Variants in ABCC10 observed in about 807,000 individuals in gnomAD.
ABCC10 encodes the protein ATP binding cassette subfamily C member 10.
In ABCC10, 110 loss-of-function variants were observed where a neutral mutation model predicts 143.2. The observed-to-expected ratio is 0.77, with a 90% CI of 0.66 to 0.90. The LOEUF (loss-of-function observed/expected upper bound fraction) is 0.90. ABCC10 is among the 40% of genes least tolerant of loss of function. The pLI, the probability that ABCC10 is intolerant of heterozygous loss-of-function variation, is 0.00. For missense variants in ABCC10, 1,700 were observed against 1,900.5 expected, an observed-to-expected ratio of 0.89 and a Z score of 1.96; for synonymous variants, 805 against 846.7, an observed-to-expected ratio of 0.95 and a Z score of 0.85.
intron 12 of ABCC10, 95 bp downstream of exon 12, chr6:43,444,448 C>G (rs1675680180): frequency 1.4e-6 from 2 of 1,388,830 alleles, no homozygotes; most frequent in Non-Finnish European, 1.9e-6. Context: ...CAGAGACTCA[C>G]CAAGCATGGG....
chr6:43,449,262 G>A (rs567247825), intron 20 of ABCC10, 58 bp downstream of exon 20: 1 of 1,587,242 alleles, frequency 6.3e-7, no homozygotes, highest in East Asian at 2.2e-5. Flanking sequence ...GGGCCGGGAG[G>A]TGGGGAGGTA....
At position 43,444,946 on chromosome 6, in the gene ABCC10, G is replaced by T; in HGVS notation, c.2840+8G>T. 1.2e-6 allele frequency: 2 copies of T among 1,606,446 alleles called. No individual in the cohort carries two copies. Among genetic ancestry groups the T allele is most frequent in the Non-Finnish European group, 1.7e-6 (2 of 1,176,212 alleles). The stretch of plus-strand genomic sequence containing the variant: ...TTCCCCTGGAAACCTCTAGTGAGTG[G>T]CTGGGGCTGGGGGTAGGCCTGGTGC... On this transcript the variant is annotated splice_region_variant and intron_variant, in intron 13 of 21. Coordinates refer to ENST00000372530, the MANE Select transcript of ABCC10 (RefSeq NM_001198934.2).
intron 2 of ABCC10, among the ~76,000 whole-genome samples, chr6:43,428,606 G>A (rs1479627596): frequency 6.6e-6 from 1 of 152,194 alleles, no homozygotes; most frequent in Non-Finnish European, 1.5e-5. Context: ...AGCTGAAGAG[G>A]AAGCAGTAGA....
intron 8 of ABCC10, among the ~76,000 whole-genome samples, chr6:43,440,440 G>GT (rs983035880): frequency 2.0e-5 from 3 of 152,180 alleles, no homozygotes; most frequent in African/African-American, 7.2e-5. Flanking sequence ...GCCTACAACA[G>GT]TACCTAGGAC....
rs770933392 is a variant in ABCC10, at chr6:43,447,275, C to T, written c.3572C>T (p.Ala1191Val). The change falls in exon 17 of 22, where the codon GCC becomes GTC. Residue 1191 changes from alanine (A) to valine (V), a missense_variant. Physicochemically the swap from Ala to Val is moderately conservative, Grantham distance 64. Transcript: ENST00000372530. The stretch of plus-strand genomic sequence containing the variant: ...CTGGTGGGCTTGTCGCTGTCTTATG[C>T]CCTGTCCCTGACGGGCCTGCTCTCG... Reference protein sequence around the residue: ...PGLVGLSLSYALSLTGLLSGL... With the variant: ...PGLVGLSLSYVLSLTGLLSGL... 6.2e-7 allele frequency: 1 copy of T among 1,613,694 alleles called. No individual in the cohort carries two copies.
chr6:43,447,365 A>G lies in ABCC10; in HGVS notation c.3662A>G (p.Tyr1221Cys). 6.2e-7 allele frequency: 1 copy of G among 1,613,188 alleles called. No individual in the cohort carries two copies. Among genetic ancestry groups the G allele is most frequent in the South Asian group, 1.1e-5 (1 of 91,082 alleles). ...MLVSVERLEEYTCDLPQEPQG... is the reference protein window; with the variant it reads ...MLVSVERLEECTCDLPQEPQG... ...GTGAGCGTCGAGCGGCTGGAAGAGT[A>G]CACCTGTGACCTGCCCCAGGAACCC... Residue 1221 changes from tyrosine to cysteine, a missense_variant, in exon 17 of 22, where the codon TAC (tyrosine) becomes TGC (cysteine). By Grantham distance (194) the Tyr-to-Cys change is radical (BLOSUM62 -2). Transcript: ENST00000372530.
chr6:43,442,077 T>A (rs954790763), intron 9 of ABCC10, 117 bp downstream of exon 9: 1 of 821,988 alleles, frequency 1.2e-6, no homozygotes, highest in Non-Finnish European at 1.9e-6. Context: ...CCTTCCCTCC[T>A]CCCTTGCATG....
In ABCC10 at chr6:43,444,231, G is replaced by A. The variant is rs150366223; in HGVS notation, c.2567G>A (p.Arg856His). Residue 856 changes from arginine (R) to histidine (H), a missense_variant, in exon 12 of 22, where the codon CGC (arginine) becomes CAC (histidine). By Grantham distance (29) the Arg-to-His change is conservative (BLOSUM62 0). Coordinates refer to ENST00000372530, the MANE Select transcript of ABCC10 (RefSeq NM_001198934.2). Reference sequence around the variant, plus strand: ...GAGGAGGAGCAGAGCACATCTGGTCGCCTGCTGCAGGAAGAAAGCAAGAAG... The same window carrying A: ...GAGGAGGAGCAGAGCACATCTGGTCACCTGCTGCAGGAAGAAAGCAAGAAG... ...GLEEEQSTSGRLLQEESKKEG... is the reference protein window; with the variant it reads ...GLEEEQSTSGHLLQEESKKEG... 164 of 1,614,112 alleles carry A rather than the reference G, an allele frequency of 1.0e-4. 1 individual carries two copies. Among genetic ancestry groups the A allele is most frequent in the Admixed American group, 2.2e-4 (13 of 60,012 alleles).
chr6:43,442,909 T>G, intron 9 of ABCC10, 61 bp from the exon 10 acceptor site: 30 of 1,426,952 alleles, frequency 2.1e-5, no homozygotes, highest in Non-Finnish European at 2.6e-5. Context: ...CTGATCACTT[T>G]GAGATCTTCT....
At position 43,445,255 on chromosome 6, in the gene ABCC10, G is replaced by T. The variant is rs1489540426; in HGVS notation, c.2971G>T (p.Ala991Ser). 6 of 1,613,886 alleles carry T rather than the reference G, an allele frequency of 3.7e-6. No individual in the cohort carries two copies. The Admixed American group carries it at 5.0e-5, about 13-fold the overall frequency. ...CTLLRAVLFA[A>S]GTLQAAATLH... ...CCTTCTCCGGGCAGTGCTCTTTGCA[G>T]CAGGCACCCTTCAAGCAGCTGCCAC... The change falls in exon 14 of 22, where the codon GCA becomes TCA. Residue 991 changes from alanine to serine, a missense_variant. Ala to Ser is a moderately conservative substitution (Grantham distance 99). Transcript: ENST00000372530.
At position 43,450,344 on chromosome 6, in the gene ABCC10, G is replaced by A. The variant is rs1049059171; in HGVS notation, c.*253G>A. On this transcript the variant is annotated 3_prime_UTR_variant, in exon 22 of 22. Transcript: ENST00000372530. The surrounding 1 kb of genome is among the most constrained non-coding windows in gnomAD (Gnocchi z 4.5). ...CGCCAGGTGGGTTTTTCTGGCATAGGAGCCCACTTGCATTTTCATAGTTTT... is the reference window on the plus strand; with the variant it reads ...CGCCAGGTGGGTTTTTCTGGCATAGAAGCCCACTTGCATTTTCATAGTTTT... The A allele has an allele frequency of 1.1e-6, 1 of 903,218 alleles. No individual in the cohort carries two copies. Among genetic ancestry groups the A allele is most frequent in the Non-Finnish European group, 1.6e-6 (1 of 630,282 alleles). The allele number at this position is 903,218 out of a possible 1,614,324, so 56.0% of individuals were successfully genotyped here. A position where few individuals can be genotyped will look rare whatever the true frequency, so the allele number is the denominator to read the frequency against.
intron 4 of ABCC10, among the ~76,000 whole-genome samples, chr6:43,435,499 C>A: frequency 6.6e-6 from 1 of 152,042 alleles, no homozygotes; most frequent in African/African-American, 2.4e-5. Context: ...TGCCACTGCA[C>A]TCCAGCTTAG....
intron 9 of ABCC10, 134 bp downstream of exon 9, chr6:43,442,094 A>C: frequency 1.4e-6 from 1 of 702,390 alleles, no homozygotes; most frequent in Non-Finnish European, 2.4e-6. Flanking sequence ...CATGTTCCTG[A>C]GGTATTGGCC....
intron 15 of ABCC10, 99 bp from the exon 16 acceptor site, chr6:43,446,178 G>A: frequency 7.1e-7 from 1 of 1,413,362 alleles, no homozygotes; most frequent in Non-Finnish European, 9.7e-7. Context: ...CAGCTCCCAA[G>A]AAGGAGCTGC....
At chr6:43,448,754 G>T in intron 18 of ABCC10, 127 bp from the exon 19 acceptor site, 1 of 1,182,498 alleles carries the variant, frequency 8.5e-7, no homozygotes, top group Non-Finnish European at 1.2e-6. Flanking sequence ...GTGGGGAGCA[G>T]AGTGGGGTTA....
At chr6:43,446,181 G>A in intron 15 of ABCC10, 96 bp from the exon 16 acceptor site, 1 of 1,440,886 alleles carries the variant, frequency 6.9e-7, no homozygotes, top group East Asian at 2.3e-5. Flanking sequence ...CTCCCAAGAA[G>A]GAGCTGCTCA....
rs770840897 is a variant in ABCC10, at chr6:43,449,159, G to A, written c.4158G>A (p.Gln1386=). Residue 1386 remains glutamine, a synonymous_variant, in exon 20 of 22, where the codon CAG becomes CAA. Transcript: ENST00000372530. The stretch of plus-strand genomic sequence containing the variant: ...GGGGCCGGAGCTTATCTCTTGGGCA[G>A]AGGCAGCTGTTGTGTTTGGCCAGGG... The part of the protein sequence containing the change: ...GEGGRSLSLG[Q]RQLLCLARAL... 3.1e-6 allele frequency: 5 copies of A among 1,614,164 alleles called. No homozygotes were observed. The highest frequency in any genetic ancestry group is 2.2e-5 in the South Asian group (2 of 91,082).
chr6:43,431,497 A>T (rs1781115115), intron 2 of ABCC10, among the ~76,000 whole-genome samples: 1 of 152,090 alleles, frequency 6.6e-6, no homozygotes, highest in Non-Finnish European at 1.5e-5. Flanking sequence ...AGTAGCTGGG[A>T]TTGCAGGTGC....
chr6:43,430,726 T>A (rs1781031621), intron 2 of ABCC10: 1 of 151,648 alleles, frequency 6.6e-6, no homozygotes, highest in South Asian at 2.1e-4. Context: ...TGTATTTGAT[T>A]CTTTTTTTTT....
Sources: allele counts gnomAD v4.1 joint callset (sites outside exome capture counted in the v4.1 genomes callset), GRCh38; gene constraint gnomAD v4.1.1; non-coding constraint Gnocchi (gnomAD v3.1); transcripts MANE v1.5; gene names NCBI Gene and HGNC (gene_info 2026-07-23, HGNC 2026-07-21).